Variants in LIPA observed in about 807,000 individuals in gnomAD.
LIPA encodes lysosomal acid lipase/cholesteryl ester hydrolase.
LIPA carries 26 observed loss-of-function variants against 40.6 expected under a neutral mutation model. The observed-to-expected ratio is 0.64, with a 90% confidence interval of 0.47 to 0.89. The LOEUF (loss-of-function observed/expected upper bound fraction) is 0.89. LIPA is among the 40% of genes least tolerant of loss of function. The probability of loss-of-function intolerance (pLI) is 0.00; values close to 1 mark genes in which losing one functional copy is unlikely to be tolerated. For synonymous variants in LIPA, 188 were observed against 168.4 expected (o/e 1.12, Z -0.90); for missense variants, 455 against 479.6 (o/e 0.95, Z 0.48).
At chr10:89,402,294 GATC>G in intron 2 of LIPA, 1 of 1,608,194 alleles carries the variant, frequency 6.2e-7, no homozygotes, top group East Asian at 2.2e-5. Context: ...AAATGGTGAT[GATC>G]ATCAGGTCAA....
At chr10:89,251,443 G>A (rs1483179214) in intron 1 of LIPA, among the ~76,000 whole-genome samples, 2 of 152,228 alleles carry the variant, frequency 1.3e-5, no homozygotes, top group African/African-American at 4.8e-5. Flanking sequence ...GGAGCACTGG[G>A]CAGCTTCACT....
chr10:89,253,308 C>T (rs1305829497), upstream of LIPA, among the ~76,000 whole-genome samples: 4 of 152,216 alleles, frequency 2.6e-5, no homozygotes, highest in Non-Finnish European at 4.4e-5. Flanking sequence ...CACAGTTTCA[C>T]AGGACTGGGG....
chr10:89,384,662 AAGG>A (rs1286947507), intron 2 of LIPA: 5 of 1,614,098 alleles, frequency 3.1e-6, no homozygotes, highest in African/African-American at 2.7e-5. Flanking sequence ...CACAAATTGA[AAGG>A]AGAAGTAAGT....
At chr10:89,340,873 G>A (rs185044963) in intron 1 of LIPA, 66 of 152,194 alleles carry the variant, frequency 4.3e-4, no homozygotes, top group African/African-American at 1.6e-3. Flanking sequence ...TATAGCTTCA[G>A]GCATGTATTT....
chr10:89,378,800 G>C (rs1443358605), intron 2 of LIPA, among the ~76,000 whole-genome samples: 2 of 152,178 alleles, frequency 1.3e-5, no homozygotes, highest in Non-Finnish European at 1.5e-5. Flanking sequence ...GCTTAGTAAG[G>C]GTAGCTGGCT....
chr10:89,284,479 C>CA lies in LIPA; in HGVS notation c.-1-36831dup, dbSNP rs552562906. On this transcript the variant is annotated intron_variant, in intron 1 of 5. Coordinates refer to the LIPA transcript ENST00000282673. ...AGTGAAGCTGGGCTTGATCAGACCT[C>CA]AAAAAGATCTCCCTTTGCATTTTGC... The CA allele has an allele frequency of 1.0e-3, 159 of 152,166 alleles. 1 individual carries two copies. The highest frequency in any genetic ancestry group is 3.4e-3 in the African/African-American group (143 of 41,514). The allele number at this position is 152,166 out of a possible 1,614,324, so 9.4% of individuals were successfully genotyped here. A position where few individuals can be genotyped will look rare whatever the true frequency, so the allele number is the denominator to read the frequency against.
intron 1 of LIPA, chr10:89,278,088 C>T (rs754594843): frequency 6.6e-6 from 1 of 152,152 alleles, no homozygotes; most frequent in African/African-American, 2.4e-5. Flanking sequence ...GTAAATCAGG[C>T]TCAGGACCAA....
chr10:89,331,232 G>A (rs962413739), intron 1 of LIPA, among the ~76,000 whole-genome samples: 7 of 152,130 alleles, frequency 4.6e-5, no homozygotes, highest in Admixed American at 1.3e-4. Flanking sequence ...GAGTGCAGTG[G>A]CCCGATCATG....
chr10:89,278,452 C>G (rs1843299969), intron 1 of LIPA: 1 of 152,214 alleles, frequency 6.6e-6, no homozygotes, highest in African/African-American at 2.4e-5. Context: ...TTGCCAGGCA[C>G]CATCCCTGAG....
Position 89,247,523 on chromosome 10 carries a change from C to CT in LIPA, c.111+14dup. ...ATAGATGCATTTTAAAAGTACATAACTTTGAGAAACTTACCACATTCATGT... is the reference window on the plus strand; with the variant it reads ...ATAGATGCATTTTAAAAGTACATAACTTTTGAGAAACTTACCACATTCATGT... On this transcript the variant is annotated intron_variant, in intron 2 of 9. Coordinates refer to ENST00000336233, the MANE Select transcript of LIPA (RefSeq NM_000235.4). 6.6e-7 allele frequency: 1 copy of CT among 1,517,996 alleles called. No homozygotes were observed. Among genetic ancestry groups the CT allele is most frequent in the East Asian group, 2.3e-5 (1 of 44,102 alleles). 94.0% of individuals were successfully genotyped at this position (1,517,996 alleles called of 1,614,324 possible).
chr10:89,349,085 C>G (rs1843942525), intron 2 of LIPA, among the ~76,000 whole-genome samples: 1 of 152,188 alleles, frequency 6.6e-6, no homozygotes, highest in Non-Finnish European at 1.5e-5. Flanking sequence ...AGGATTTTCT[C>G]TGAGCTCCCT....
intron 2 of LIPA, among the ~76,000 whole-genome samples, chr10:89,410,224 T>C (rs1305933880): frequency 6.6e-6 from 1 of 152,218 alleles, no homozygotes; most frequent in Non-Finnish European, 1.5e-5. Context: ...ATACTCATGA[T>C]GTAAATGGCA....
intron 3 of LIPA, among the ~76,000 whole-genome samples, chr10:89,239,576 A>G (rs1842942312): frequency 6.6e-6 from 1 of 152,188 alleles, no homozygotes; most frequent in African/African-American, 2.4e-5. Flanking sequence ...GAACACAACA[A>G]GAGCACCCTG....
At chr10:89,313,280 C>T (rs1843525043) in intron 1 of LIPA, among the ~76,000 whole-genome samples, 1 of 152,194 alleles carries the variant, frequency 6.6e-6, no homozygotes, top group Non-Finnish European at 1.5e-5. Context: ...ATAGACTGAA[C>T]TGCAACCAAT....
intron 2 of LIPA, chr10:89,404,047 C>T (rs1355552660): frequency 1.2e-5 from 2 of 173,430 alleles, no homozygotes; most frequent in Non-Finnish European, 1.2e-5. Context: ...CCTCCACCAA[C>T]TGAACAGACC....
intron 1 of LIPA, among the ~76,000 whole-genome samples, chr10:89,261,135 C>A (rs79638014): frequency 0.046 from 7,000 of 152,234 alleles, 559 homozygotes; most frequent in African/African-American, 0.16. Context: ...TGACTAAGTC[C>A]AAGCTTTCAG....
chr10:89,297,196 A>C (rs1843420276), intron 1 of LIPA, among the ~76,000 whole-genome samples: 1 of 152,182 alleles, frequency 6.6e-6, no homozygotes, highest in African/African-American at 2.4e-5. Flanking sequence ...AGGTCAAATG[A>C]GAGAACTTCA....
intron 2 of LIPA, among the ~76,000 whole-genome samples, chr10:89,347,985 C>T (rs305373): frequency 0.63 from 95,445 of 152,152 alleles, 32,595 homozygotes; most frequent in East Asian, 0.94. Context: ...AGGTTTCCAT[C>T]CCAGTCCAAA....
At chr10:89,394,101 A>C (rs1844298004) in intron 2 of LIPA, among the ~76,000 whole-genome samples, 2 of 152,226 alleles carry the variant, frequency 1.3e-5, no homozygotes, top group South Asian at 2.1e-4. Context: ...CAATTTCATC[A>C]TTATGCAAAC....
Sources: gnomAD v4.1 joint callset for allele counts (sites outside exome capture counted in the v4.1 genomes callset) on GRCh38, gnomAD v4.1.1 for gene constraint, MANE v1.5 for transcripts, NCBI Gene and HGNC (gene_info 2026-07-23, HGNC 2026-07-21) for gene names.